The following SYNPO2L variants were observed in gnomAD, a reference collection of about 807,000 sequenced individuals.
SYNPO2L encodes synaptopodin 2-like protein.
Under a neutral mutation model 47.5 loss-of-function variants are expected in SYNPO2L, and 34 were observed. The ratio of observed to expected loss-of-function variants is 0.72; its 90% CI spans 0.54 to 0.95. The LOEUF (loss-of-function observed/expected upper bound fraction) is 0.95. SYNPO2L is among the 40% of genes least tolerant of loss of function. The pLI is 0.00. For missense variants in SYNPO2L, 1,246 were observed against 1,282.0 expected (o/e 0.97, Z 0.43); for synonymous variants, 536 against 524.9 (o/e 1.02, Z -0.29).
Position 73,647,181 on chromosome 10 carries a change from G to T in SYNPO2L, c.2471C>A (p.Ala824Glu). 1 of 1,613,822 alleles carries T rather than the reference G, an allele frequency of 6.2e-7. No individual in the cohort carries two copies. Among genetic ancestry groups the T allele is most frequent in the Non-Finnish European group, 8.5e-7 (1 of 1,179,876 alleles). Reference sequence around the variant, plus strand: ...TTGGGCCTTAGGGAGAGTTCGGGCCGCCTGGGGGAAAAAGGGAGAGAGCAG... The same window carrying T: ...TTGGGCCTTAGGGAGAGTTCGGGCCTCCTGGGGGAAAAAGGGAGAGAGCAG... ...NPLLSPFFPQ[A>E]ARTLPKAQSQ... Residue 824 changes from alanine (A) to glutamate (E), a missense_variant, in exon 4 of 4, where the codon GCG (alanine) becomes GAG (glutamate). This residue lies in a region of SYNPO2L where 1,037 missense variants were observed against 1,021.5 expected (regional missense o/e 1.02). Transcript: ENST00000394810.
Position 73,648,129 on chromosome 10 carries a change from G to A in SYNPO2L, c.1523C>T (p.Pro508Leu), listed in dbSNP as rs57006992. 3.2e-6 allele frequency: 5 copies of A among 1,539,442 alleles called. No individual in the cohort carries two copies. The African/African-American group carries it at 4.1e-5, about 13-fold the overall frequency. Reference protein sequence around the residue: ...SLGGLSPAPPPFLSSQGPTPL... With the variant: ...SLGGLSPAPPLFLSSQGPTPL... ...GGTGGGCCCCTGCGAAGACAAGAAG[G>A]GGGGTGGGGCGGGGCTGAGGCCCCC... The change falls in exon 4 of 4, where the codon CCC becomes CTC. Residue 508 changes from proline (P) to leucine (L), a missense_variant. This residue lies in a region of SYNPO2L where 1,037 missense variants were observed against 1,021.5 expected (regional missense o/e 1.02). Coordinates refer to ENST00000394810, the MANE Select transcript of SYNPO2L (RefSeq NM_001114133.3).
chr10:73,644,894 A>C lies in SYNPO2L; in HGVS notation c.*1824T>G. On this transcript the variant is annotated 3_prime_UTR_variant, in exon 4 of 4. Coordinates refer to ENST00000394810, the MANE Select transcript of SYNPO2L (RefSeq NM_001114133.3). The stretch of plus-strand genomic sequence containing the variant: ...ATAACAGCAACAGAAGGTATGGGGC[A>C]TAAATTTATTCTTGTGCACAAACCA... 2 of 682,296 alleles carry C rather than the reference A, an allele frequency of 2.9e-6. No individual in the cohort carries two copies. The highest frequency in any genetic ancestry group is 4.2e-6 in the Non-Finnish European group (2 of 475,050). The allele number at this position is 682,296 out of a possible 1,614,324, so 42.3% of individuals were successfully genotyped here.
At chr10:73,652,670 A>T (rs1296922266) in intron 3 of SYNPO2L, among the ~76,000 whole-genome samples, 1 of 152,036 alleles carries the variant, frequency 6.6e-6, no homozygotes, top group Non-Finnish European at 1.5e-5. Context: ...ACTCCATCTC[A>T]AAAAAACAAA....
Position 73,645,144 on chromosome 10 carries a change from C to A in SYNPO2L, c.*1574G>T. The A allele has an allele frequency of 2.5e-6, 3 of 1,209,716 alleles. No homozygotes were observed. Among genetic ancestry groups the A allele is most frequent in the Non-Finnish European group, 3.1e-6 (3 of 953,560 alleles). 74.9% of individuals were successfully genotyped at this position (1,209,716 alleles called of 1,614,324 possible). A position where few individuals can be genotyped will look rare whatever the true frequency, so the allele number is the denominator to read the frequency against. ...CCTACTCTTTCCCAGGCAGTCATGGCAAGCTGCAGAAGACACACTGAAGAA... is the reference window on the plus strand; with the variant it reads ...CCTACTCTTTCCCAGGCAGTCATGGAAAGCTGCAGAAGACACACTGAAGAA... On this transcript the variant is annotated 3_prime_UTR_variant, in exon 4 of 4. Coordinates refer to ENST00000394810, the MANE Select transcript of SYNPO2L (RefSeq NM_001114133.3).
Position 73,646,546 on chromosome 10 carries a change from G to A in SYNPO2L, c.*172C>T, listed in dbSNP as rs2081751282. On this transcript the variant is annotated 3_prime_UTR_variant, in exon 4 of 4. Transcript: ENST00000394810. ...AGACATACTTGGTTGGAAAGCGGCA[G>A]GGAGGTAGAGAGTGAGGAGGAAGGT... is the stretch of plus-strand genomic sequence containing the variant. The A allele has an allele frequency of 3.2e-6, 4 of 1,266,366 alleles. No individual in the cohort carries two copies. Among genetic ancestry groups the A allele is most frequent in the Non-Finnish European group, 4.0e-6 (4 of 1,005,786 alleles). The allele number at this position is 1,266,366 out of a possible 1,614,324, so 78.4% of individuals were successfully genotyped here. A position where few individuals can be genotyped will look rare whatever the true frequency, so the allele number is the denominator to read the frequency against.
chr10:73,654,864 G>A (rs772287045), intron 1 of SYNPO2L, among the ~76,000 whole-genome samples: 5 of 151,838 alleles, frequency 3.3e-5, no homozygotes, highest in East Asian at 1.9e-4. Context: ...GAAAAAAAAC[G>A]GAAAGAAATG....
chr10:73,648,257 G>T lies in SYNPO2L; in HGVS notation c.1395C>A (p.Asn465Lys). Residue 465 changes from asparagine to lysine, a missense_variant, in exon 4 of 4, where the codon AAC becomes AAA. Physicochemically the swap from Asn to Lys is moderately conservative, Grantham distance 94 (BLOSUM62 0). This residue lies in a region of SYNPO2L where 1,037 missense variants were observed against 1,021.5 expected (regional missense o/e 1.02). Coordinates refer to ENST00000394810, the MANE Select transcript of SYNPO2L (RefSeq NM_001114133.3). Reference sequence around the variant, plus strand: ...CCGGGGTAAAGGGCCTGGCTGACCGGTTAAAGATGCTTGGAGCTGGGGTCG... The same window carrying T: ...CCGGGGTAAAGGGCCTGGCTGACCGTTTAAAGATGCTTGGAGCTGGGGTCG... ...GAPTPAPSIF[N>K]RSARPFTPGL... is the part of the protein sequence containing the mutation. 6.3e-7 allele frequency: 1 copy of T among 1,598,844 alleles called. No homozygotes were observed. Among genetic ancestry groups the T allele is most frequent in the Non-Finnish European group, 8.5e-7 (1 of 1,177,322 alleles).
At chr10:73,650,909 T>C in intron 3 of SYNPO2L, 1 of 1,611,470 alleles carries the variant, frequency 6.2e-7, no homozygotes, top group Non-Finnish European at 8.5e-7. Flanking sequence ...GGGTAGTACC[T>C]GCATAGAACG....
intron 3 of SYNPO2L, chr10:73,650,119 C>T (rs2177843): frequency 0.16 from 158,217 of 985,216 alleles, 13,375 homozygotes; most frequent in African/African-American, 0.29. Flanking sequence ...GCGAGGACCC[C>T]GCCTTGCACA....
At chr10:73,648,917 C>T (rs2081813390) in intron 3 of SYNPO2L, 38 bp from the exon 4 acceptor site, 4 of 1,472,212 alleles carry the variant, frequency 2.7e-6, no homozygotes, top group Non-Finnish European at 3.6e-6. Context: ...AGGGGGGCTT[C>T]CCAGCCTCTT....
chr10:73,646,417 AG>A lies in SYNPO2L; in HGVS notation c.*300del. The stretch of plus-strand genomic sequence containing the variant: ...CCCAGGGAGAAAAGCACAAATGTCA[AG>A]GAAGAGAGATCTGTGGAGGAATATG... On this transcript the variant is annotated 3_prime_UTR_variant, in exon 4 of 4. Transcript: ENST00000394810. 6 of 1,108,014 alleles carry A rather than the reference AG, an allele frequency of 5.4e-6. No individual in the cohort carries two copies. Among genetic ancestry groups the A allele is most frequent in the Non-Finnish European group, 6.6e-6 (6 of 910,278 alleles). The allele number at this position is 1,108,014 out of a possible 1,614,324, so 68.6% of individuals were successfully genotyped here. A position where few individuals can be genotyped will look rare whatever the true frequency, so the allele number is the denominator to read the frequency against.
chr10:73,653,798 G>A, intron 2 of SYNPO2L, 145 bp from the exon 3 acceptor site: 2 of 1,185,206 alleles, frequency 1.7e-6, no homozygotes, highest in Non-Finnish European at 1.1e-6. Context: ...GGGTGGGCCG[G>A]GAAGAGTGGA....
rs2081730184 is a variant in SYNPO2L, at chr10:73,644,906, T to C, written c.*1812A>G. On this transcript the variant is annotated 3_prime_UTR_variant, in exon 4 of 4. Transcript: ENST00000394810. Reference sequence around the variant, plus strand: ...GAAGGTATGGGGCATAAATTTATTCTTGTGCACAAACCAAAGTATTGTGAC... The same window carrying C: ...GAAGGTATGGGGCATAAATTTATTCCTGTGCACAAACCAAAGTATTGTGAC... The C allele has an allele frequency of 1.2e-6, 1 of 867,004 alleles. No individual in the cohort carries two copies. Among genetic ancestry groups the C allele is most frequent in the Non-Finnish European group, 1.6e-6 (1 of 641,620 alleles). 53.7% of individuals were successfully genotyped at this position (867,004 alleles called of 1,614,324 possible). A position where few individuals can be genotyped will look rare whatever the true frequency, so the allele number is the denominator to read the frequency against.
At position 73,647,656 on chromosome 10, in the gene SYNPO2L, C is replaced by G; in HGVS notation, c.1996G>C (p.Gly666Arg). 6.2e-7 allele frequency: 1 copy of G among 1,614,150 alleles called. No individual in the cohort carries two copies. The highest frequency in any genetic ancestry group is 8.5e-7 in the Non-Finnish European group (1 of 1,179,998). Reference protein sequence around the residue: ...VQNLDEKPRAGGAESGPEEDA... With the variant: ...VQNLDEKPRARGAESGPEEDA... ...TCTTCAGGACCAGATTCTGCACCCCCGGCCCGAGGCTTTTCATCCAGGTTC... is the reference window on the plus strand; with the variant it reads ...TCTTCAGGACCAGATTCTGCACCCCGGGCCCGAGGCTTTTCATCCAGGTTC... Residue 666 changes from glycine (G) to arginine (R), a missense_variant, in exon 4 of 4, where the codon GGG becomes CGG. Gly to Arg is a moderately radical substitution (Grantham distance 125, BLOSUM62 -2). Coordinates refer to ENST00000394810, the MANE Select transcript of SYNPO2L (RefSeq NM_001114133.3).
At position 73,647,190 on chromosome 10, in the gene SYNPO2L, A is replaced by G. The variant is rs752780695; in HGVS notation, c.2462T>C (p.Phe821Ser). Residue 821 changes from phenylalanine (F) to serine (S), a missense_variant, in exon 4 of 4, where the codon TTC becomes TCC. Transcript: ENST00000394810. ...AGGGAGAGTTCGGGCCGCCTGGGGG[A>G]AAAAGGGAGAGAGCAGTGGGTTGTA... The part of the protein sequence containing the change: ...IAYNPLLSPF[F>S]PQAARTLPKA... The G allele has an allele frequency of 1.2e-6, 2 of 1,612,786 alleles. No individual in the cohort carries two copies. The highest frequency in any genetic ancestry group is 1.1e-5 in the South Asian group (1 of 90,972).
In SYNPO2L at chr10:73,653,180, T is replaced by C; in HGVS notation, c.731A>G (p.Glu244Gly). 2.1e-6 allele frequency: 3 copies of C among 1,455,590 alleles called. No individual in the cohort carries two copies. Among genetic ancestry groups the C allele is most frequent in the South Asian group, 1.5e-5 (1 of 67,588 alleles). 90.2% of individuals were successfully genotyped at this position (1,455,590 alleles called of 1,614,324 possible). A position where few individuals can be genotyped will look rare whatever the true frequency, so the allele number is the denominator to read the frequency against. ...CTGGGTGTAGGTGGTAGTAAGATCT[T>C]CTGCCACTGGGTGGGGAACAGGCCC... is the stretch of plus-strand genomic sequence containing the variant. Reference protein sequence around the residue: ...MVGPVPHPVAEDLTTTYTQKA... With the variant: ...MVGPVPHPVAGDLTTTYTQKA... Residue 244 changes from glutamate to glycine, a missense_variant, in exon 3 of 4, where the codon GAA becomes GGA. Coordinates refer to ENST00000394810, the MANE Select transcript of SYNPO2L (RefSeq NM_001114133.3).
At chr10:73,650,120 G>A (rs569193653) in intron 3 of SYNPO2L, 23 of 985,268 alleles carry the variant, frequency 2.3e-5, no homozygotes, top group Non-Finnish European at 2.4e-5. Flanking sequence ...CGAGGACCCC[G>A]CCTTGCACAT....
At chr10:73,653,739 G>C (rs1208932776) in intron 2 of SYNPO2L, 86 bp from the exon 3 acceptor site, 2 of 1,432,968 alleles carry the variant, frequency 1.4e-6, no homozygotes, top group Non-Finnish European at 1.8e-6. Context: ...GAAGAGGTAA[G>C]GGGGAGGGAA....
intron 3 of SYNPO2L, chr10:73,650,613 TCA>T: frequency 1.2e-6 from 1 of 864,904 alleles, no homozygotes; most frequent in Non-Finnish European, 1.4e-6. Flanking sequence ...ACTTTCTTGT[TCA>T]CACATATCTT....
Sources: gnomAD v4.1 joint callset for allele counts (sites outside exome capture counted in the v4.1 genomes callset) on GRCh38, gnomAD v4.1.1 for gene constraint, gnomAD v4.1.1 regional missense constraint, MANE v1.5 for transcripts, NCBI Gene and HGNC (gene_info 2026-07-23, HGNC 2026-07-21) for gene names.